Variants in CRB1 observed in about 807,000 individuals in gnomAD.
The protein encoded by CRB1 is protein crumbs homolog 1.
In CRB1, 83 loss-of-function variants were observed where a neutral mutation model predicts 120.0. The observed-to-expected ratio is 0.69, with a 90% CI of 0.58 to 0.83. The LOEUF is 0.83. Ranked by LOEUF, CRB1 falls within the 40% of genes least tolerant of loss-of-function variation. CRB1 has a pLI of 0.00. For missense variants in CRB1, 1,699 were observed against 1,687.6 expected (o/e 1.01, Z -0.12); for synonymous variants, 625 against 612.5 (o/e 1.02, Z -0.30).
At chr1:197,303,892 G>GCAGGAGTGTAGCATGAGCC in intron 1 of CRB1, among the ~76,000 whole-genome samples, 1 of 152,178 alleles carries the variant, frequency 6.6e-6, no homozygotes, top group South Asian at 2.1e-4. Flanking sequence ...GGAGGCTGAG[G>GCAGGAGTGTAGCATGAGCC]CAGGAGTGTA....
At chr1:197,417,822 A>G (rs1664086722) in intron 5 of CRB1, among the ~76,000 whole-genome samples, 1 of 152,218 alleles carries the variant, frequency 6.6e-6, no homozygotes, top group Non-Finnish European at 1.5e-5. Flanking sequence ...ATAAATCTGA[A>G]GATGGAGACA....
intron 5 of CRB1, among the ~76,000 whole-genome samples, chr1:197,387,928 C>T (rs2125409910): frequency 6.6e-6 from 1 of 151,884 alleles, no homozygotes; most frequent in South Asian, 2.1e-4. Context: ...CCCCAACCTC[C>T]CCTCACCAAA....
Position 197,337,199 on chromosome 1 carries a change from G to A in CRB1, c.653-7082G>A, listed in dbSNP as rs144404100. 2.2e-3 allele frequency among the ~76,000 whole-genome samples: 329 copies of A among 152,248 alleles called. 1 individual carries two copies. Among genetic ancestry groups the A allele is most frequent in the African/African-American group, 7.6e-3 (314 of 41,532 alleles). ...TCCCTCACCCCTTCTACCATGTGAG[G>A]ACATAGAAAGAAATTATAATCTATG... is the stretch of plus-strand genomic sequence containing the variant. On this transcript the variant is annotated intron_variant, in intron 2 of 11. Coordinates refer to ENST00000367400, the MANE Select transcript of CRB1 (RefSeq NM_201253.3).
At chr1:197,267,924 GA>G, upstream of CRB1, among the ~76,000 whole-genome samples, 1 of 152,124 alleles carries the variant, frequency 6.6e-6, no homozygotes, top group East Asian at 1.9e-4. Context: ...TATAATTTAT[GA>G]ACAGAAAAGA....
At chr1:197,409,520 A>G (rs1663588956) in intron 5 of CRB1, among the ~76,000 whole-genome samples, 1 of 152,082 alleles carries the variant, frequency 6.6e-6, no homozygotes, top group African/African-American at 2.4e-5. Context: ...CCTATTTTCA[A>G]TATCTTCAAG....
At chr1:197,367,666 T>C (rs1661146505) in intron 5 of CRB1, among the ~76,000 whole-genome samples, 1 of 152,170 alleles carries the variant, frequency 6.6e-6, no homozygotes, top group Non-Finnish European at 1.5e-5. Flanking sequence ...AACCATCTCA[T>C]CCAAGTCCAA....
At chr1:197,353,860 G>A (rs191202915) in intron 4 of CRB1, among the ~76,000 whole-genome samples, 100 of 136,534 alleles carry the variant, frequency 7.3e-4, no homozygotes, top group Admixed American at 9.5e-4. Flanking sequence ...CTTTTACCAC[G>A]TTACAAAACA....
At chr1:197,441,402 A>C (rs1454015827) in intron 10 of CRB1, 2 of 152,156 alleles carry the variant, frequency 1.3e-5, no homozygotes, top group Admixed American at 1.3e-4. Flanking sequence ...AAAAAATGAC[A>C]ATATCCCAGG....
intron 11 of CRB1, among the ~76,000 whole-genome samples, chr1:197,446,719 T>C (rs560327873): frequency 2.0e-5 from 3 of 152,262 alleles, no homozygotes; most frequent in South Asian, 4.1e-4. Flanking sequence ...CTACCATATA[T>C]AGTTGTAGAG....
At chr1:197,258,115 AG>A in the CRB1 span, among the ~76,000 whole-genome samples, 1 of 152,226 alleles carries the variant, frequency 6.6e-6, no homozygotes, top group African/African-American at 2.4e-5. Context: ...ATAACACAAT[AG>A]GGTGACTATA....
chr1:197,446,318 G>A (rs772529726), intron 11 of CRB1, among the ~76,000 whole-genome samples: 1 of 152,162 alleles, frequency 6.6e-6, no homozygotes. Flanking sequence ...GAAGGTCAAG[G>A]AAAGTTTCCT....
intron 1 of CRB1, among the ~76,000 whole-genome samples, chr1:197,311,739 GTGTGTGTT>G (rs2125273541): frequency 7.0e-6 from 1 of 143,242 alleles, no homozygotes; most frequent in African/African-American, 2.8e-5. Context: ...GTGTGTGTGT[GTGTGTGTT>G]GAGAAGATTT....
At chr1:197,404,441 C>CAAAAAAAAAAAAAAAAAA (rs558125777) in intron 5 of CRB1, among the ~76,000 whole-genome samples, 1 of 58,718 alleles carries the variant, frequency 1.7e-5, no homozygotes, top group African/African-American at 5.9e-5. Flanking sequence ...GACTCCGTCT[C>CAAAAAAAAAAAAAAAAAA]AAAAAAAAAA....
intron 5 of CRB1, among the ~76,000 whole-genome samples, chr1:197,374,907 G>C (rs1354413323): frequency 6.6e-6 from 1 of 152,070 alleles, no homozygotes; most frequent in Non-Finnish European, 1.5e-5. Flanking sequence ...CCACCTAGAG[G>C]AGAGCTAGAA....
At chr1:197,371,440 T>C (rs560884020) in intron 5 of CRB1, among the ~76,000 whole-genome samples, 1 of 152,290 alleles carries the variant, frequency 6.6e-6, no homozygotes, top group African/African-American at 2.4e-5. Flanking sequence ...TTAAATCTTC[T>C]ATTTCTTCAA....
chr1:197,275,781 A>G (rs1655175362), intron 1 of CRB1, among the ~76,000 whole-genome samples: 1 of 151,998 alleles, frequency 6.6e-6, no homozygotes, highest in South Asian at 2.1e-4. Context: ...AACTGCATTC[A>G]TTACTTGGGG....
At chr1:197,211,951 T>C in the CRB1 span, among the ~76,000 whole-genome samples, 16 of 152,012 alleles carry the variant, frequency 1.1e-4, no homozygotes, top group Non-Finnish European at 2.1e-4. Flanking sequence ...ACGAAACATA[T>C]ATACTAATAT....
chr1:197,285,418 A>T (rs1327470777), intron 1 of CRB1, among the ~76,000 whole-genome samples: 1 of 151,848 alleles, frequency 6.6e-6, no homozygotes, highest in Non-Finnish European at 1.5e-5. Context: ...TCTCAGTGGG[A>T]TGTACAACAG....
chr1:197,242,596 T>G, the CRB1 span, among the ~76,000 whole-genome samples: 1 of 152,168 alleles, frequency 6.6e-6, no homozygotes, highest in African/African-American at 2.4e-5. Flanking sequence ...TTATTGAGGA[T>G]TTTTGCATTG....
Sources: gnomAD v4.1 joint callset for allele counts (sites outside exome capture counted in the v4.1 genomes callset) on GRCh38, gnomAD v4.1.1 for gene constraint, MANE v1.5 for transcripts, NCBI Gene and HGNC (gene_info 2026-07-23, HGNC 2026-07-21) for gene names.